Variants in SHISA9 observed in about 807,000 individuals in gnomAD.
SHISA9 encodes shisa family member 9.
Under a neutral mutation model 38.0 loss-of-function variants are expected in SHISA9, and 13 were observed. That is an observed-to-expected ratio of 0.34 (90% CI 0.22 to 0.54). The LOEUF (loss-of-function observed/expected upper bound fraction) is 0.54, where lower values mean the gene tolerates loss of function less well. Among genes scored for constraint, SHISA9 ranks in the 20% least tolerant of loss-of-function variants. The probability of loss-of-function intolerance (pLI) is 0.91; values close to 1 mark genes in which losing one functional copy is unlikely to be tolerated. For missense variants in SHISA9, 538 were observed against 575.8 expected (o/e 0.93, Z 0.67); for synonymous variants, 275 against 242.0 (o/e 1.14, Z -1.27).
chr16:13,324,031 G>A, the SHISA9 span, among the ~76,000 whole-genome samples: 2 of 152,128 alleles, frequency 1.3e-5, no homozygotes, highest in Non-Finnish European at 2.9e-5. Context: ...GGTGTTTAAA[G>A]GAGCCTGGCA....
chr16:12,949,356 G>A (rs904704590), intron 2 of SHISA9, among the ~76,000 whole-genome samples: 1 of 152,216 alleles, frequency 6.6e-6, no homozygotes, highest in South Asian at 2.1e-4. Context: ...AGGCAATGGG[G>A]TTGGCCTTTT....
intron 2 of SHISA9, among the ~76,000 whole-genome samples, chr16:13,025,996 G>T (rs2072916714): frequency 6.6e-6 from 1 of 152,028 alleles, no homozygotes; most frequent in Non-Finnish European, 1.5e-5. Flanking sequence ...GTAGAAACAG[G>T]GTTTCTCCAT....
In SHISA9 at chr16:12,967,995, G is replaced by T. The variant is rs1425951611; in HGVS notation, c.691+51180G>T. ...ACCTTAGGTCAGGAGTTCAAGACCA[G>T]CCTGGCCAACATGGTGAAACCTCAT... On this transcript the variant is annotated intron_variant, in intron 2 of 4. Transcript: ENST00000558583. Among the ~76,000 whole-genome samples the T allele has an allele frequency of 3.9e-5, 6 of 152,060 alleles. No homozygotes were observed. The East Asian group carries it at 1.2e-3, about 29-fold the overall frequency.
At chr16:12,903,691 G>A (rs2071053839) in intron 1 of SHISA9, among the ~76,000 whole-genome samples, 1 of 152,086 alleles carries the variant, frequency 6.6e-6, no homozygotes, top group South Asian at 2.1e-4. Context: ...CAGCTGGATG[G>A]TTGGGGCATA....
chr16:13,183,397 TGTTA>T (rs1456207363), intron 2 of SHISA9, among the ~76,000 whole-genome samples: 6 of 152,264 alleles, frequency 3.9e-5, no homozygotes, highest in African/African-American at 1.4e-4. Context: ...CCATGGCTAG[TGTTA>T]GTAATAGAAG....
intron 2 of SHISA9, among the ~76,000 whole-genome samples, chr16:13,060,000 C>T (rs1310775058): frequency 5.3e-5 from 8 of 152,122 alleles, no homozygotes; most frequent in Non-Finnish European, 1.0e-4. Context: ...TCTTAACAGC[C>T]CTAGCAAACA....
At chr16:13,502,251 G>A in the SHISA9 span, among the ~76,000 whole-genome samples, 2 of 152,058 alleles carry the variant, frequency 1.3e-5, no homozygotes, top group Admixed American at 1.3e-4. Context: ...GAATCAAGAT[G>A]ATTCACACCC....
intron 2 of SHISA9, among the ~76,000 whole-genome samples, chr16:13,047,172 C>T (rs890608345): frequency 3.9e-5 from 6 of 152,088 alleles, no homozygotes; most frequent in Non-Finnish European, 8.8e-5. Context: ...TTTAATACCT[C>T]CAGGATCAGT....
chr16:13,092,795 G>A (rs985477231), intron 2 of SHISA9, among the ~76,000 whole-genome samples: 3 of 152,100 alleles, frequency 2.0e-5, no homozygotes. Context: ...GTGACGCTCC[G>A]CCCTGCTTCA....
At chr16:12,918,302 T>C (rs1022980071) in intron 2 of SHISA9, among the ~76,000 whole-genome samples, 3 of 152,188 alleles carry the variant, frequency 2.0e-5, no homozygotes, top group Non-Finnish European at 4.4e-5. Flanking sequence ...GGAAATAAGT[T>C]GAACCTAGTC....
At chr16:13,197,087 A>G (rs1423655674) in intron 2 of SHISA9, among the ~76,000 whole-genome samples, 1 of 143,762 alleles carries the variant, frequency 7.0e-6, no homozygotes, top group East Asian at 2.1e-4. Context: ...GTGAAACTGT[A>G]TCTCTCTCTC....
intron 2 of SHISA9, among the ~76,000 whole-genome samples, chr16:12,961,443 C>A (rs1296017013): frequency 1.3e-5 from 2 of 152,082 alleles, no homozygotes; most frequent in East Asian, 3.9e-4. Context: ...CACTTGAGGC[C>A]AGAAGTGGAG....
intron 2 of SHISA9, among the ~76,000 whole-genome samples, chr16:13,170,782 G>C (rs187928147): frequency 1.3e-4 from 20 of 152,164 alleles, no homozygotes; most frequent in Admixed American, 3.3e-4. Context: ...TCAGCCTCCT[G>C]AGTAGCTGGG....
chr16:12,925,289 C>G (rs565993886), intron 2 of SHISA9, among the ~76,000 whole-genome samples: 1 of 152,146 alleles, frequency 6.6e-6, no homozygotes, highest in Non-Finnish European at 1.5e-5. Context: ...TTGTTCCTGT[C>G]TTACGGTTTT....
chr16:13,514,005 ATT>A, the SHISA9 span, among the ~76,000 whole-genome samples: 12 of 151,600 alleles, frequency 7.9e-5, no homozygotes, highest in East Asian at 1.9e-4. Context: ...AAAATAAAAT[ATT>A]TTTTTTTAAC....
At chr16:13,157,651 G>A (rs1437546216) in intron 2 of SHISA9, among the ~76,000 whole-genome samples, 2 of 152,038 alleles carry the variant, frequency 1.3e-5, no homozygotes, top group African/African-American at 4.8e-5. Context: ...GCAGCTAGTG[G>A]TGTTATCTCC....
At chr16:13,227,028 G>C (rs2051286166) in intron 4 of SHISA9, among the ~76,000 whole-genome samples, 1 of 152,178 alleles carries the variant, frequency 6.6e-6, no homozygotes, top group Admixed American at 6.5e-5. Context: ...CACGTGGGTT[G>C]CTCTTTCTGT....
chr16:13,419,931 G>C, the SHISA9 span, among the ~76,000 whole-genome samples: 1 of 152,120 alleles, frequency 6.6e-6, no homozygotes, highest in African/African-American at 2.4e-5. Context: ...TAATCACTGT[G>C]AATAAGAACA....
intron 2 of SHISA9, among the ~76,000 whole-genome samples, chr16:12,969,800 CAG>C (rs1289389760): frequency 1.3e-5 from 2 of 151,974 alleles, no homozygotes; most frequent in Non-Finnish European, 2.9e-5. Context: ...ACACTGGAAA[CAG>C]AAAACAAATA....
Sources: allele counts gnomAD v4.1 joint callset (sites outside exome capture counted in the v4.1 genomes callset), GRCh38; gene constraint gnomAD v4.1.1; transcripts MANE v1.5; gene names NCBI Gene and HGNC (gene_info 2026-07-23, HGNC 2026-07-21).